The following KSR2 variants were observed in gnomAD, a reference collection of about 807,000 sequenced individuals.
KSR2 encodes the protein kinase suppressor of ras 2.
KSR2 carries 25 observed loss-of-function variants against 107.8 expected under a neutral mutation model. The ratio of observed to expected loss-of-function variants is 0.23; its 90% CI spans 0.17 to 0.32. The LOEUF (loss-of-function observed/expected upper bound fraction) is 0.32. Ranked by LOEUF, KSR2 falls within the 10% of genes least tolerant of loss-of-function variation. The pLI is 1.00. For missense variants in KSR2, 887 were observed against 1,268.9 expected (o/e 0.70, Z 4.57); for synonymous variants, 480 against 507.0 (o/e 0.95, Z 0.71).
chr12:117,713,344 T>G (rs1229101346), intron 4 of KSR2, among the ~76,000 whole-genome samples: 2 of 151,130 alleles, frequency 1.3e-5, no homozygotes, highest in Admixed American at 6.5e-5. Flanking sequence ...TATAGCTAAG[T>G]AGACAGTAGA....
At chr12:117,624,816 T>C (rs1044876021) in intron 5 of KSR2, among the ~76,000 whole-genome samples, 1 of 152,234 alleles carries the variant, frequency 6.6e-6, no homozygotes, top group Non-Finnish European at 1.5e-5. Flanking sequence ...TTTCATGATA[T>C]TGATTCTTCC....
chr12:117,510,983 A>G (rs1181736765), intron 14 of KSR2, among the ~76,000 whole-genome samples: 4 of 152,154 alleles, frequency 2.6e-5, no homozygotes, highest in African/African-American at 7.2e-5. Flanking sequence ...ATGTCTATCA[A>G]TTCATTTAAT....
chr12:117,867,045 G>A (rs940013990), intron 1 of KSR2, among the ~76,000 whole-genome samples: 1 of 152,136 alleles, frequency 6.6e-6, no homozygotes, highest in African/African-American at 2.4e-5. Flanking sequence ...GCCAGGCACA[G>A]TGGCTCAAAC....
chr12:117,677,918 G>A (rs1443510056), intron 4 of KSR2, among the ~76,000 whole-genome samples: 2 of 151,786 alleles, frequency 1.3e-5, no homozygotes, highest in Admixed American at 6.6e-5. Flanking sequence ...TGAAGAAACC[G>A]AGTCCAGAAA....
In KSR2 at chr12:117,461,620, TATC is replaced by T; in HGVS notation, c.*5576_*5578del. 1 of 175,144 alleles carries T rather than the reference TATC, an allele frequency of 5.7e-6. No individual in the cohort carries two copies. The highest frequency in any genetic ancestry group is 1.6e-4 in the South Asian group (1 of 6,336). The allele number at this position is 175,144 out of a possible 1,614,324, so 10.8% of individuals were successfully genotyped here. On this transcript the variant is annotated 3_prime_UTR_variant, in exon 20 of 20. Coordinates refer to ENST00000339824, the MANE Select transcript of KSR2 (RefSeq NM_173598.6). Reference sequence around the variant, plus strand: ...GAAGGGAGTCTGGGATTTGGGTTAATATCATAGTCAGGCACTGACCAGAGAGGA... The same window carrying T: ...GAAGGGAGTCTGGGATTTGGGTTAATATAGTCAGGCACTGACCAGAGAGGA...
In KSR2 at chr12:117,461,812, T is replaced by C. The variant is rs1870911654; in HGVS notation, c.*5387A>G. On this transcript the variant is annotated 3_prime_UTR_variant, in exon 20 of 20. Transcript: ENST00000339824. ...GCCAGGGAGAGTGGCCACATGAGTCTGCCTAGGAACTTCCCCACATCACAG... is the reference window on the plus strand; with the variant it reads ...GCCAGGGAGAGTGGCCACATGAGTCCGCCTAGGAACTTCCCCACATCACAG... 1.3e-5 allele frequency: 2 copies of C among 152,454 alleles called. No individual in the cohort carries two copies. The highest frequency in any genetic ancestry group is 4.8e-5 in the African/African-American group (2 of 41,426). 9.4% of individuals were successfully genotyped at this position (152,454 alleles called of 1,614,324 possible).
chr12:117,961,773 GT>G (rs1896665119), intron 1 of KSR2, among the ~76,000 whole-genome samples: 1 of 152,112 alleles, frequency 6.6e-6, no homozygotes, highest in African/African-American at 2.4e-5. Flanking sequence ...TAAGCCCAAA[GT>G]TTTCCAAACG....
intron 14 of KSR2, among the ~76,000 whole-genome samples, chr12:117,487,016 C>T (rs1016874259): frequency 9.9e-5 from 15 of 151,310 alleles, no homozygotes; most frequent in African/African-American, 3.7e-4. Context: ...CCTCTCTGAG[C>T]TTCAGTTTTA....
chr12:117,859,488 A>T (rs1176129126), intron 2 of KSR2, among the ~76,000 whole-genome samples: 1 of 134,238 alleles, frequency 7.4e-6, no homozygotes, highest in East Asian at 2.2e-4. Flanking sequence ...ACAGGGTCTC[A>T]CTCTGTCACC....
At chr12:117,804,297 C>A (rs1890937714) in intron 3 of KSR2, among the ~76,000 whole-genome samples, 1 of 152,222 alleles carries the variant, frequency 6.6e-6, no homozygotes, top group Non-Finnish European at 1.5e-5. Context: ...CCTGCCTTGG[C>A]CTCCCAAAGT....
chr12:117,903,571 A>T (rs959125247), intron 1 of KSR2, among the ~76,000 whole-genome samples: 2 of 152,238 alleles, frequency 1.3e-5, no homozygotes, highest in African/African-American at 4.8e-5. Flanking sequence ...AAACAGCTCA[A>T]ATATCCCAGT....
chr12:117,891,269 A>T (rs1356553991), intron 1 of KSR2, among the ~76,000 whole-genome samples: 3 of 151,856 alleles, frequency 2.0e-5, no homozygotes, highest in Non-Finnish European at 2.9e-5. Flanking sequence ...ACAAAAAATT[A>T]ACCGGGTGTG....
At chr12:117,773,410 G>A (rs1270368674) in intron 3 of KSR2, among the ~76,000 whole-genome samples, 1 of 152,116 alleles carries the variant, frequency 6.6e-6, no homozygotes, top group Non-Finnish European at 1.5e-5. Flanking sequence ...CATTCTCAAG[G>A]GAAAAAGTGA....
chr12:117,688,102 G>A (rs1416812371), intron 4 of KSR2, among the ~76,000 whole-genome samples: 7 of 152,172 alleles, frequency 4.6e-5, no homozygotes, highest in East Asian at 1.9e-4. Context: ...TCTATTGGCC[G>A]GGTGTGGTGG....
chr12:117,483,673 C>T (rs137968734), intron 16 of KSR2, among the ~76,000 whole-genome samples: 2 of 152,174 alleles, frequency 1.3e-5, no homozygotes, highest in Non-Finnish European at 2.9e-5. Flanking sequence ...CAACTCAATG[C>T]GGCTTGCTCT....
intron 5 of KSR2, among the ~76,000 whole-genome samples, chr12:117,656,130 T>G (rs1055711786): frequency 6.6e-6 from 1 of 152,228 alleles, no homozygotes; most frequent in East Asian, 1.9e-4. Context: ...TCATGAGTAT[T>G]TCCTCCTTCT....
intron 4 of KSR2, among the ~76,000 whole-genome samples, chr12:117,719,216 T>C (rs1281709328): frequency 6.6e-6 from 1 of 152,064 alleles, no homozygotes; most frequent in African/African-American, 2.4e-5. Flanking sequence ...ATTCAGGTCT[T>C]TCCCCCCCTC....
rs924039109 is a variant in KSR2 at position 117,573,013 on chromosome 12, A to G, written c.1325+6106T>C. Among the ~76,000 whole-genome samples the G allele has an allele frequency of 2.6e-5, 4 of 152,272 alleles. No individual in the cohort carries two copies. In the East Asian group the frequency reaches 7.7e-4, roughly 29 times the overall value. On this transcript the variant is annotated intron_variant, in intron 7 of 19. Transcript: ENST00000339824. ...TGAATTGTGCTGACATTCTACACTCAGAGCTAAACTCCATTCCGCTCTCAT... is the reference window on the plus strand; with the variant it reads ...TGAATTGTGCTGACATTCTACACTCGGAGCTAAACTCCATTCCGCTCTCAT...
chr12:117,824,260 G>A (rs1226060590), intron 3 of KSR2, among the ~76,000 whole-genome samples: 1 of 151,638 alleles, frequency 6.6e-6, no homozygotes, highest in Non-Finnish European at 1.5e-5. Flanking sequence ...GGGGCAGGGG[G>A]AGGGGGAGGG....
Sources: allele counts gnomAD v4.1 joint callset (sites outside exome capture counted in the v4.1 genomes callset), GRCh38; gene constraint gnomAD v4.1.1; transcripts MANE v1.5; gene names NCBI Gene and HGNC (gene_info 2026-07-23, HGNC 2026-07-21).